LIMCH1: variants seen among roughly 807,000 people sequenced by gnomAD.
LIMCH1 encodes the protein LIM and calponin homology domains 1, also known as LIM and calponin homology domains-containing protein 1.
A neutral mutation model predicts 176.5 loss-of-function variants in LIMCH1; 113 were observed. The observed-to-expected ratio is 0.64, with a 90% CI of 0.55 to 0.75. The LOEUF is 0.75. Ranked by LOEUF, LIMCH1 falls within the 30% of genes least tolerant of loss-of-function variation. The pLI, the probability that LIMCH1 is intolerant of heterozygous loss-of-function variation, is 0.00. For missense variants in LIMCH1, 1,674 were observed against 1,814.9 expected (o/e 0.92, Z 1.41); for synonymous variants, 619 against 645.9 (o/e 0.96, Z 0.63).
intron 3 of LIMCH1, among the ~76,000 whole-genome samples, chr4:41,531,515 C>CACACACACACACACACAT (rs763489174): frequency 9.5e-6 from 1 of 105,774 alleles, no homozygotes; most frequent in African/African-American, 5.0e-5. Context: ...CACACACACA[C>CACACACACACACACACAT]ATACACACCT....
At chr4:41,507,064 G>A (rs1051362166) in intron 2 of LIMCH1, among the ~76,000 whole-genome samples, 7 of 152,118 alleles carry the variant, frequency 4.6e-5, no homozygotes, top group African/African-American at 1.2e-4. Context: ...ACAGAACTCC[G>A]GGGTACATCC....
At chr4:41,381,034 T>C (rs1413355837) in intron 1 of LIMCH1, among the ~76,000 whole-genome samples, 1 of 152,246 alleles carries the variant, frequency 6.6e-6, no homozygotes, top group Non-Finnish European at 1.5e-5. Flanking sequence ...TCCTAATTTA[T>C]TCATTTATTC....
chr4:41,605,658 T>C (rs964761630), intron 3 of LIMCH1, among the ~76,000 whole-genome samples: 1 of 152,230 alleles, frequency 6.6e-6, no homozygotes, highest in Non-Finnish European at 1.5e-5. Flanking sequence ...TACCTAACTT[T>C]CCCTAACGCT....
intron 1 of LIMCH1, among the ~76,000 whole-genome samples, chr4:41,407,592 G>A (rs539875699): frequency 1.3e-5 from 2 of 152,330 alleles, no homozygotes; most frequent in East Asian, 1.9e-4. Flanking sequence ...CCATAGGTGA[G>A]GAGTGTCAGT....
chr4:41,512,874 C>T (rs2075098997), intron 2 of LIMCH1, among the ~76,000 whole-genome samples: 1 of 152,164 alleles, frequency 6.6e-6, no homozygotes, highest in South Asian at 2.1e-4. Flanking sequence ...TTGAATTCTA[C>T]ATTTTCAGTG....
At chr4:41,367,458 T>C (rs2053198595) in intron 1 of LIMCH1, among the ~76,000 whole-genome samples, 1 of 152,052 alleles carries the variant, frequency 6.6e-6, no homozygotes, top group Admixed American at 6.6e-5. Context: ...CTTGGCCTCC[T>C]GGTCAGTGTA....
chr4:41,656,877 C>T (rs1254157761), intron 18 of LIMCH1, among the ~76,000 whole-genome samples: 1 of 152,104 alleles, frequency 6.6e-6, no homozygotes, highest in African/African-American at 2.4e-5. Flanking sequence ...AGAAACAGGC[C>T]CAGCACCCAG....
intron 14 of LIMCH1, 149 bp downstream of exon 14, chr4:41,639,116 A>G: frequency 1.6e-6 from 1 of 628,424 alleles, no homozygotes; most frequent in South Asian, 2.1e-5. Context: ...TGGAATGCAG[A>G]GCATACATTC....
intron 1 of LIMCH1, among the ~76,000 whole-genome samples, chr4:41,581,360 T>C (rs2085401164): frequency 6.6e-6 from 1 of 152,160 alleles, no homozygotes; most frequent in Non-Finnish European, 1.5e-5. Context: ...AATACAGTGT[T>C]ATTAACTATA....
intron 1 of LIMCH1, among the ~76,000 whole-genome samples, chr4:41,433,930 C>T (rs1264085507): frequency 6.6e-6 from 1 of 152,148 alleles, no homozygotes; most frequent in Non-Finnish European, 1.5e-5. Flanking sequence ...AGGGGCTCGT[C>T]TTAGCTGGTG....
At chr4:41,538,462 CTTA>C in intron 1 of LIMCH1, 112 bp downstream of exon 1, 1 of 526,720 alleles carries the variant, frequency 1.9e-6, no homozygotes, top group Non-Finnish European at 2.4e-6. Context: ...TTTTTATTCA[CTTA>C]TTAGTATGGC....
chr4:41,666,148 G>A (rs988266612), intron 20 of LIMCH1, among the ~76,000 whole-genome samples: 3 of 152,172 alleles, frequency 2.0e-5, no homozygotes, highest in African/African-American at 7.2e-5. Flanking sequence ...TTAATGTTTA[G>A]CACTTATGGA....
chr4:41,591,797 A>T (rs946788333), intron 1 of LIMCH1, among the ~76,000 whole-genome samples: 2 of 152,170 alleles, frequency 1.3e-5, no homozygotes, highest in East Asian at 3.9e-4. Context: ...GATCATGTTG[A>T]TCTCTCCCTA....
At chr4:41,374,451 T>C (rs1284251179) in intron 1 of LIMCH1, among the ~76,000 whole-genome samples, 1 of 152,200 alleles carries the variant, frequency 6.6e-6, no homozygotes, top group Non-Finnish European at 1.5e-5. Flanking sequence ...TCTGACATGA[T>C]AGGCCACTCA....
intron 1 of LIMCH1, chr4:41,386,109 G>A (rs967661123): frequency 6.6e-6 from 1 of 152,224 alleles, no homozygotes. Context: ...ATCAAGCCAT[G>A]TACCATTTTT....
At chr4:41,670,866 C>G in intron 21 of LIMCH1, 1 of 1,510,314 alleles carries the variant, frequency 6.6e-7, no homozygotes, top group South Asian at 1.3e-5. Flanking sequence ...ATGTGTGGCA[C>G]TTGTCTTCAT....
intron 1 of LIMCH1, among the ~76,000 whole-genome samples, chr4:41,367,112 G>C (rs562084563): frequency 2.5e-4 from 38 of 152,284 alleles, no homozygotes; most frequent in Non-Finnish European, 4.3e-4. Context: ...AACCGCCCCC[G>C]TGATCCAGTC....
intron 2 of LIMCH1, among the ~76,000 whole-genome samples, chr4:41,502,933 A>ACACC (rs1478091490): frequency 1.3e-5 from 2 of 151,912 alleles, no homozygotes; most frequent in Non-Finnish European, 2.9e-5. Context: ...ACACACACAC[A>ACACC]CACACCCCAG....
chr4:41,505,515 T>A (rs2074034641), intron 2 of LIMCH1, among the ~76,000 whole-genome samples: 1 of 152,126 alleles, frequency 6.6e-6, no homozygotes, highest in Non-Finnish European at 1.5e-5. Flanking sequence ...GGGACTAGAG[T>A]GATTGTTTTG....
Sources: allele counts gnomAD v4.1 joint callset (sites outside exome capture counted in the v4.1 genomes callset), GRCh38; gene constraint gnomAD v4.1.1; transcripts MANE v1.5; gene names NCBI Gene and HGNC (gene_info 2026-07-23, HGNC 2026-07-21).